PLA2G4A: variants seen among roughly 807,000 people sequenced by gnomAD.
PLA2G4A encodes the protein cytosolic phospholipase A2.
In PLA2G4A, 40 loss-of-function variants were observed where a neutral mutation model predicts 81.9. The observed-to-expected ratio is 0.49, with a 90% confidence interval of 0.38 to 0.64. The LOEUF is 0.64. Among genes scored for constraint, PLA2G4A ranks in the 30% least tolerant of loss-of-function variants. PLA2G4A has a pLI of 0.00. For synonymous variants in PLA2G4A, 302 were observed against 296.9 expected, an observed-to-expected ratio of 1.02 and a Z score of -0.18; for missense variants, 715 against 905.1, an observed-to-expected ratio of 0.79 and a Z score of 2.69.
intron 1 of PLA2G4A, among the ~76,000 whole-genome samples, chr1:186,835,471 A>G (rs1220177583): frequency 6.6e-6 from 1 of 152,214 alleles, no homozygotes. Flanking sequence ...ATCAGGGAAA[A>G]GTGTCTAAAG....
intron 1 of PLA2G4A, among the ~76,000 whole-genome samples, chr1:186,841,343 T>A (rs1651972127): frequency 1.3e-5 from 2 of 152,222 alleles, no homozygotes; most frequent in South Asian, 4.1e-4. Flanking sequence ...AAACAGTAAC[T>A]TGGTAACTTA....
intron 3 of PLA2G4A, among the ~76,000 whole-genome samples, chr1:186,872,180 T>C (rs142143554): frequency 2.6e-4 from 40 of 152,316 alleles, no homozygotes; most frequent in Non-Finnish European, 4.1e-4. Flanking sequence ...TTAACCCATC[T>C]AATCATCCCT....
Position 186,988,601 on chromosome 1 carries a change from C to T in PLA2G4A, c.*93C>T. ...TAAAAGTACAGTACAGATAGTCGTA[C>T]TGATCATGAGAGACTGGCTGATACT... On this transcript the variant is annotated 3_prime_UTR_variant, in exon 18 of 18. Coordinates refer to ENST00000367466, the MANE Select transcript of PLA2G4A (RefSeq NM_024420.3). The T allele has an allele frequency of 1.8e-6, 2 of 1,117,492 alleles. No individual in the cohort carries two copies. Among genetic ancestry groups the T allele is most frequent in the Admixed American group, 3.4e-5 (2 of 58,454 alleles). 69.2% of individuals were successfully genotyped at this position (1,117,492 alleles called of 1,614,324 possible). A position where few individuals can be genotyped will look rare whatever the true frequency, so the allele number is the denominator to read the frequency against.
chr1:186,837,533 T>C (rs913465340), intron 1 of PLA2G4A, among the ~76,000 whole-genome samples: 3 of 149,994 alleles, frequency 2.0e-5, no homozygotes, highest in Non-Finnish European at 4.4e-5. Context: ...ATCAAGACCA[T>C]CCTGGCTCAC....
intron 13 of PLA2G4A, among the ~76,000 whole-genome samples, chr1:186,952,484 A>C (rs1263906701): frequency 1.3e-5 from 2 of 152,022 alleles, no homozygotes; most frequent in Non-Finnish European, 2.9e-5. Flanking sequence ...TCCACCTTCC[A>C]CCACCCCTGC....
At chr1:186,858,341 A>G (rs181451668) in intron 2 of PLA2G4A, among the ~76,000 whole-genome samples, 1 of 152,206 alleles carries the variant, frequency 6.6e-6, no homozygotes, top group East Asian at 1.9e-4. Context: ...TTTGATTTGT[A>G]TTTCTCTGAT....
intron 17 of PLA2G4A, among the ~76,000 whole-genome samples, chr1:186,986,800 G>C (rs2891264): frequency 0.054 from 8,289 of 152,192 alleles, 279 homozygotes; most frequent in Middle Eastern, 0.12. Context: ...GACACTAATT[G>C]CCCTCCATCT....
intron 3 of PLA2G4A, among the ~76,000 whole-genome samples, chr1:186,883,327 A>G (rs192229518): frequency 6.6e-6 from 1 of 152,238 alleles, no homozygotes; most frequent in East Asian, 1.9e-4. Context: ...CATATATGTC[A>G]TGTTTATACT....
rs575587183 is a variant in PLA2G4A at position 186,973,080 on chromosome 1, T to C, written c.1765-4513T>C. Among the ~76,000 whole-genome samples, 15 of 152,266 alleles carry C rather than the reference T, an allele frequency of 9.9e-5. No homozygotes were observed. The East Asian group carries it at 2.7e-3, about 27-fold the overall frequency. On this transcript the variant is annotated intron_variant, in intron 15 of 17. Coordinates refer to ENST00000367466, the MANE Select transcript of PLA2G4A (RefSeq NM_024420.3). Reference sequence around the variant, plus strand: ...ACAGCATTTAATGTAGTACTTCCAGTTTTATCTCTTGTACTAGTTTCCTGG... The same window carrying C: ...ACAGCATTTAATGTAGTACTTCCAGCTTTATCTCTTGTACTAGTTTCCTGG...
intron 3 of PLA2G4A, among the ~76,000 whole-genome samples, chr1:186,871,716 C>T (rs529370933): frequency 3.9e-5 from 6 of 152,088 alleles, no homozygotes; most frequent in South Asian, 2.1e-4. Context: ...AAGACAAAGA[C>T]TTAGGACTGA....
chr1:186,957,569 A>C (rs1656798456), intron 14 of PLA2G4A, among the ~76,000 whole-genome samples: 1 of 152,214 alleles, frequency 6.6e-6, no homozygotes, highest in Non-Finnish European at 1.5e-5. Context: ...TCTGGCAAAC[A>C]CATTCTTAGC....
intron 6 of PLA2G4A, 60 bp downstream of exon 6, chr1:186,907,062 A>G: frequency 1.1e-6 from 1 of 887,766 alleles, no homozygotes; most frequent in East Asian, 2.5e-5. Flanking sequence ...ATTTATTTTA[A>G]TTGTTAAAGA....
At chr1:186,972,830 A>G (rs1425262055) in intron 15 of PLA2G4A, among the ~76,000 whole-genome samples, 3 of 152,182 alleles carry the variant, frequency 2.0e-5, no homozygotes, top group Non-Finnish European at 2.9e-5. Flanking sequence ...ATCTGCCTAC[A>G]TTTCATTTAG....
rs747644454 is a variant in PLA2G4A at position 186,977,580 on chromosome 1, A to T, written c.1765-13A>T. The T allele has an allele frequency of 6.3e-7, 1 of 1,591,896 alleles. No individual in the cohort carries two copies. Among genetic ancestry groups the T allele is most frequent in the East Asian group, 2.2e-5 (1 of 44,768 alleles). Reference sequence around the variant, plus strand: ...TGAAAATTTCCAAATTCATCTTTCCATCTTTCCCATAGGAACTTCTACTTG... The same window carrying T: ...TGAAAATTTCCAAATTCATCTTTCCTTCTTTCCCATAGGAACTTCTACTTG... On this transcript the variant is annotated splice_polypyrimidine_tract_variant and intron_variant, in intron 15 of 17. Transcript: ENST00000367466.
At chr1:186,919,465 C>T (rs1655265285) in intron 7 of PLA2G4A, among the ~76,000 whole-genome samples, 1 of 152,182 alleles carries the variant, frequency 6.6e-6, no homozygotes, top group South Asian at 2.1e-4. Flanking sequence ...ACATCCATCC[C>T]TTTTGCACAC....
chr1:186,917,879 G>A (rs541627344), intron 7 of PLA2G4A, among the ~76,000 whole-genome samples: 1 of 152,310 alleles, frequency 6.6e-6, no homozygotes, highest in South Asian at 2.1e-4. Context: ...TTGTGCTGTC[G>A]GCATGTAATG....
Position 186,860,907 on chromosome 1 carries a change from C to T in PLA2G4A, c.33+6520C>T, listed in dbSNP as rs74953417. On this transcript the variant is annotated intron_variant, in intron 2 of 17. Coordinates refer to ENST00000367466, the MANE Select transcript of PLA2G4A (RefSeq NM_024420.3). Reference sequence around the variant, plus strand: ...CTCCCAGTTCCATATAGTCATATTTCAATTTGACTTTCTTTTCCTTGAACA... The same window carrying T: ...CTCCCAGTTCCATATAGTCATATTTTAATTTGACTTTCTTTTCCTTGAACA... Among the ~76,000 whole-genome samples, 252 of 152,226 alleles carry T rather than the reference C, an allele frequency of 1.7e-3. 3 individuals carry two copies. The highest frequency in any genetic ancestry group is 6.0e-3 in the African/African-American group (248 of 41,550).
At chr1:186,831,488 T>C (rs1212755699) in intron 1 of PLA2G4A, among the ~76,000 whole-genome samples, 1 of 152,210 alleles carries the variant, frequency 6.6e-6, no homozygotes, top group Non-Finnish European at 1.5e-5. Flanking sequence ...GTTGCTTTTA[T>C]TGCCGAATGC....
intron 7 of PLA2G4A, among the ~76,000 whole-genome samples, chr1:186,914,974 G>A (rs906865826): frequency 1.3e-5 from 2 of 152,152 alleles, no homozygotes; most frequent in Non-Finnish European, 2.9e-5. Flanking sequence ...CTAAAGTAGC[G>A]ATGAAGCTTT....
Sources: gnomAD v4.1 joint callset for allele counts (sites outside exome capture counted in the v4.1 genomes callset) on GRCh38, gnomAD v4.1.1 for gene constraint, MANE v1.5 for transcripts, NCBI Gene and HGNC (gene_info 2026-07-23, HGNC 2026-07-21) for gene names.